STATH: variants seen among roughly 807,000 people sequenced by gnomAD.
The protein encoded by STATH is statherin.
In STATH, 11 loss-of-function variants were observed where a neutral mutation model predicts 13.3. The ratio of observed to expected loss-of-function variants is 0.83; its 90% CI spans 0.52 to 1.37. The LOEUF is 1.37. STATH is among the 40% of genes most tolerant of loss of function. The probability of loss-of-function intolerance (pLI) is 0.00; values close to 1 mark genes in which losing one functional copy is unlikely to be tolerated. For synonymous variants in STATH, 25 were observed against 23.6 expected (o/e 1.06, Z -0.17); for missense variants, 78 against 73.3 (o/e 1.06, Z -0.24).
intron 1 of STATH, 40 bp from the exon 2 acceptor site, chr4:69,998,383 A>G: frequency 6.5e-7 from 1 of 1,534,352 alleles, no homozygotes; most frequent in Non-Finnish European, 9.0e-7. Flanking sequence ...GGGCGAATGC[A>G]AGAAAAAATG....
rs33983459 is a variant in STATH, at chr4:70,001,147, T to TAC, written c.*33+166_*33+167insCA. On this transcript the variant is annotated intron_variant, in intron 5 of 5. Coordinates refer to ENST00000246895, the MANE Select transcript of STATH (RefSeq NM_003154.3). The stretch of plus-strand genomic sequence containing the variant: ...TTAATTTATATAAATGCTTCTGAGA[T>TAC]AGTCTCTGTCCTGCTATGGTTAGAA... 2.6e-5 allele frequency among the ~76,000 whole-genome samples: 4 copies of TAC among 151,612 alleles called. No homozygotes were observed. In the East Asian group the frequency reaches 7.7e-4, roughly 29 times the overall value.
chr4:69,996,471 A>C (rs778361281), intron 1 of STATH, among the ~76,000 whole-genome samples: 1 of 152,158 alleles, frequency 6.6e-6, no homozygotes, highest in African/African-American at 2.4e-5. Context: ...AACATTTCTC[A>C]CTACCTTTTC....
At chr4:70,000,446 C>T (rs529122598) in intron 4 of STATH, 8 of 166,308 alleles carry the variant, frequency 4.8e-5, no homozygotes, top group East Asian at 3.3e-4. Context: ...ATGTAGGAAT[C>T]GTAAGAGACA....
At chr4:69,998,325 T>G (rs1724562857) in intron 1 of STATH, 98 bp from the exon 2 acceptor site, 2 of 783,084 alleles carry the variant, frequency 2.6e-6, no homozygotes, top group East Asian at 2.5e-5. Context: ...CTATCTGGAG[T>G]GTGTCTCCCA....
intron 1 of STATH, among the ~76,000 whole-genome samples, chr4:69,997,011 C>A (rs913023752): frequency 2.0e-5 from 3 of 149,448 alleles, no homozygotes; most frequent in African/African-American, 7.4e-5. Flanking sequence ...AATCTCGGCT[C>A]ACCGCAACCT....
chr4:69,996,209 A>C (rs1724499460), intron 1 of STATH, among the ~76,000 whole-genome samples, 184 bp downstream of exon 1: 1 of 152,164 alleles, frequency 6.6e-6, no homozygotes, highest in African/African-American at 2.4e-5. Flanking sequence ...ATAACTATAC[A>C]TTGAAATCAG....
rs1458904379 is a variant in STATH, at chr4:70,002,462, CT to C, written c.*308del. The C allele has an allele frequency of 6.6e-6, 1 of 151,610 alleles. No individual in the cohort carries two copies. The highest frequency in any genetic ancestry group is 6.6e-5 in the Admixed American group (1 of 15,132). The allele number at this position is 151,610 out of a possible 1,614,324, so 9.4% of individuals were successfully genotyped here. A position where few individuals can be genotyped will look rare whatever the true frequency, so the allele number is the denominator to read the frequency against. On this transcript the variant is annotated 3_prime_UTR_variant, in exon 6 of 6. Transcript: ENST00000246895. ...TTTCAAGCACATTTTTACATGTATG[CT>C]CCTTATTTTTCTCTTTTCTATTTAT...
At chr4:70,000,266 G>T in intron 4 of STATH, 1 of 163,996 alleles carries the variant, frequency 6.1e-6, no homozygotes, top group Non-Finnish European at 1.3e-5. Flanking sequence ...TTTTCTTAAT[G>T]TATGTATCTT....
intron 5 of STATH, among the ~76,000 whole-genome samples, chr4:70,001,361 C>A (rs527625636): frequency 1.3e-5 from 2 of 151,772 alleles, no homozygotes; most frequent in African/African-American, 4.8e-5. Context: ...CACATAAAAT[C>A]TCTTGATCAG....
At chr4:69,999,520 T>A in intron 2 of STATH, 147 bp from the exon 3 acceptor site, 2 of 700,762 alleles carry the variant, frequency 2.9e-6, no homozygotes, top group Non-Finnish European at 4.8e-6. Context: ...AAAGATGTCA[T>A]GAAGCAAAAA....
intron 4 of STATH, chr4:70,000,373 TAAA>T (rs1724623655): frequency 6.3e-6 from 1 of 158,662 alleles, no homozygotes; most frequent in Admixed American, 6.0e-5. Flanking sequence ...TAACACCAAA[TAAA>T]AAGATACTCT....
chr4:70,001,089 A>G (rs1314529428), intron 5 of STATH, 107 bp downstream of exon 5: 5 of 715,026 alleles, frequency 7.0e-6, no homozygotes, highest in Non-Finnish European at 1.2e-5. Flanking sequence ...CCAGTATAAG[A>G]AAGCAGCCAG....
chr4:69,998,428 C>G lies in STATH; in HGVS notation c.-10C>G. ...ATTTCCACATATGTTTTCAGAGAACCCAGCCAACTATGAAGTTCCTTGTCT... is the reference window on the plus strand; with the variant it reads ...ATTTCCACATATGTTTTCAGAGAACGCAGCCAACTATGAAGTTCCTTGTCT... On this transcript the variant is annotated 5_prime_UTR_variant, in exon 2 of 6. Transcript: ENST00000246895. 6.2e-7 allele frequency: 1 copy of G among 1,610,288 alleles called. No homozygotes were observed. The highest frequency in any genetic ancestry group is 8.5e-7 in the Non-Finnish European group (1 of 1,178,118).
intron 2 of STATH, among the ~76,000 whole-genome samples, chr4:69,999,315 G>C (rs1724585264): frequency 1.3e-5 from 2 of 151,858 alleles, no homozygotes; most frequent in African/African-American, 2.4e-5. Flanking sequence ...GTCTCTGTCA[G>C]TAAATAAAAG....
rs771672218 is a variant in STATH, at chr4:70,000,824, C to G, written c.103-39C>G. The G allele has an allele frequency of 5.3e-6, 8 of 1,511,126 alleles. No homozygotes were observed. The South Asian group carries it at 6.8e-5, about 13-fold the overall frequency. The allele number at this position is 1,511,126 out of a possible 1,614,324, so 93.6% of individuals were successfully genotyped here. On this transcript the variant is annotated intron_variant, in intron 4 of 5. Coordinates refer to ENST00000246895, the MANE Select transcript of STATH (RefSeq NM_003154.3). ...AAAAACGCTTGCACTGTCATTATCT[C>G]AATTTTCTGCAATTTTCTTTCTCCT... is the stretch of plus-strand genomic sequence containing the variant.
chr4:70,000,851 G>C lies in STATH; in HGVS notation c.103-12G>C, dbSNP rs371252454. ...ATTTTCTGCAATTTTCTTTCTCCTT[G>C]TGTGTATACAGTATGGGTATGGCCC... is the stretch of plus-strand genomic sequence containing the variant. On this transcript the variant is annotated splice_polypyrimidine_tract_variant and intron_variant, in intron 4 of 5. Transcript: ENST00000246895. 19 of 1,606,528 alleles carry C rather than the reference G, an allele frequency of 1.2e-5. No individual in the cohort carries two copies. The African/African-American group carries it at 2.4e-4, about 20-fold the overall frequency.
chr4:70,000,149 C>A, intron 4 of STATH: 1 of 229,224 alleles, frequency 4.4e-6, no homozygotes, highest in Non-Finnish European at 8.6e-6. Flanking sequence ...GATAATTACA[C>A]ATAAAATATG....
intron 2 of STATH, 127 bp downstream of exon 2, chr4:69,998,615 A>T: frequency 6.6e-6 from 5 of 752,120 alleles, no homozygotes; most frequent in Non-Finnish European, 1.0e-5. Flanking sequence ...ATGTTTCCAT[A>T]TGAACTTTTT....
At chr4:70,001,056 A>G (rs1724650616) in intron 5 of STATH, 74 bp downstream of exon 5, 1 of 1,058,912 alleles carries the variant, frequency 9.4e-7, no homozygotes, top group Non-Finnish European at 1.5e-6. Flanking sequence ...AAACAAAAAC[A>G]AGACATTAAA....
Sources: gnomAD v4.1 joint callset for allele counts (sites outside exome capture counted in the v4.1 genomes callset) on GRCh38, gnomAD v4.1.1 for gene constraint, MANE v1.5 for transcripts, NCBI Gene and HGNC (gene_info 2026-07-23, HGNC 2026-07-21) for gene names.